Variants in TMEM272 observed in about 807,000 individuals in gnomAD.
TMEM272 encodes long intergenic non-protein coding RNA 282.
A neutral mutation model predicts 3.7 loss-of-function variants in TMEM272; 8 were observed. The ratio of observed to expected loss-of-function variants is 2.17; its 90% confidence interval spans 1.27 to 3.91. TMEM272 has a LOEUF of 3.91. Ranked by LOEUF, TMEM272 falls within the 30% of genes most tolerant of loss-of-function variation. The pLI, the probability that TMEM272 is intolerant of heterozygous loss-of-function variation, is 0.00. For synonymous variants in TMEM272, 63 were observed against 39.8 expected (o/e 1.58, Z -2.20); for missense variants, 166 against 91.5 (o/e 1.81, Z -3.32).
the TMEM272 span, among the ~76,000 whole-genome samples, chr13:51,883,702 CTTTGG>C: frequency 6.6e-6 from 1 of 152,234 alleles, no homozygotes; most frequent in Non-Finnish European, 1.5e-5. Context: ...TTTAAACTGT[CTTTGG>C]TTTGAAGTTC....
chr13:51,865,508 A>G, the TMEM272 span: 5 of 1,614,092 alleles, frequency 3.1e-6, no homozygotes, highest in African/African-American at 5.3e-5. Flanking sequence ...ACTAATGCAC[A>G]AGCTGCAGGA....
At chr13:51,866,067 G>T in the TMEM272 span, 1 of 1,577,892 alleles carries the variant, frequency 6.3e-7, no homozygotes, top group Non-Finnish European at 8.6e-7. Flanking sequence ...GCCTTCTCCC[G>T]AGGCAGGGCG....
At chr13:51,908,810 A>AG in the TMEM272 span, 3 of 1,439,034 alleles carry the variant, frequency 2.1e-6, no homozygotes, top group Non-Finnish European at 2.9e-6. Context: ...CTGGTGGAGG[A>AG]AACATCATCC....
the TMEM272 span, among the ~76,000 whole-genome samples, chr13:51,863,021 C>T: frequency 0.1 from 15,642 of 152,116 alleles, 2,252 homozygotes; most frequent in African/African-American, 0.32. Flanking sequence ...GCAGAGGTGG[C>T]GAGGAACTTT....
intron 2 of TMEM272, among the ~76,000 whole-genome samples, chr13:51,837,285 T>C (rs1178602028): frequency 6.6e-6 from 1 of 152,170 alleles, no homozygotes; most frequent in East Asian, 1.9e-4. Flanking sequence ...AGGATGTGTG[T>C]TGGGGGAGGT....
the TMEM272 span, chr13:51,908,843 T>A: frequency 1.1e-5 from 16 of 1,436,934 alleles, no homozygotes; most frequent in South Asian, 1.8e-4. Context: ...CCCACGGAGG[T>A]GACAGGGGCC....
At chr13:51,909,352 C>T in the TMEM272 span, 1 of 874,224 alleles carries the variant, frequency 1.1e-6, no homozygotes, top group East Asian at 2.6e-5. Flanking sequence ...GTCTCCAGCT[C>T]TTCAGTGGCA....
the TMEM272 span, among the ~76,000 whole-genome samples, chr13:51,914,973 T>C: frequency 6.6e-6 from 1 of 152,206 alleles, no homozygotes; most frequent in Non-Finnish European, 1.5e-5. Context: ...TGGAGTATTT[T>C]CCTTAAGAAA....
At chr13:51,868,295 T>C in the TMEM272 span, among the ~76,000 whole-genome samples, 1 of 152,152 alleles carries the variant, frequency 6.6e-6, no homozygotes, top group African/African-American at 2.4e-5. Context: ...ATCTGGCAAA[T>C]GCTAGGAGGG....
the TMEM272 span, among the ~76,000 whole-genome samples, chr13:51,895,083 G>T: frequency 6.6e-6 from 1 of 152,128 alleles, no homozygotes; most frequent in African/African-American, 2.4e-5. Flanking sequence ...TAAGTGATGG[G>T]GAGCAGCTGT....
chr13:51,908,412 A>T, the TMEM272 span: 1 of 1,485,292 alleles, frequency 6.7e-7, no homozygotes, highest in East Asian at 2.3e-5. Flanking sequence ...TGGACCTGGG[A>T]CATCCCTTGG....
chr13:51,921,210 C>CA, the TMEM272 span: 5 of 152,282 alleles, frequency 3.3e-5, no homozygotes, highest in African/African-American at 9.6e-5. Context: ...AGAGATGGGG[C>CA]AAGCCCTGGG....
the TMEM272 span, among the ~76,000 whole-genome samples, chr13:51,871,319 T>C: frequency 1.3e-5 from 2 of 151,706 alleles, no homozygotes; most frequent in African/African-American, 2.4e-5. Flanking sequence ...GCCTCCCGAG[T>C]AGCTGGGACT....
chr13:51,891,932 T>C, the TMEM272 span, among the ~76,000 whole-genome samples: 1 of 152,166 alleles, frequency 6.6e-6, no homozygotes, highest in Non-Finnish European at 1.5e-5. Context: ...AGGTCAATGA[T>C]TTTTTGAAAA....
intron 2 of TMEM272, among the ~76,000 whole-genome samples, chr13:51,832,619 C>T (rs1055829285): frequency 6.6e-6 from 1 of 152,140 alleles, no homozygotes; most frequent in African/African-American, 2.4e-5. Flanking sequence ...ACCACTTCTG[C>T]CCTCTCCTGG....
chr13:51,898,330 T>C, the TMEM272 span, among the ~76,000 whole-genome samples: 1 of 152,128 alleles, frequency 6.6e-6, no homozygotes, highest in East Asian at 1.9e-4. Flanking sequence ...ATTTTTCTCC[T>C]GACACACTCC....
chr13:51,879,192 C>G, the TMEM272 span, among the ~76,000 whole-genome samples: 2 of 152,144 alleles, frequency 1.3e-5, no homozygotes, highest in African/African-American at 2.4e-5. Context: ...AAAAAAAGAA[C>G]AAAACACACT....
the TMEM272 span, among the ~76,000 whole-genome samples, chr13:51,910,964 G>T: frequency 6.6e-6 from 1 of 152,214 alleles, no homozygotes; most frequent in Non-Finnish European, 1.5e-5. Flanking sequence ...GCAGTCTTGT[G>T]CATGAGCCCA....
At chr13:51,862,756 G>A in the TMEM272 span, among the ~76,000 whole-genome samples, 1 of 152,180 alleles carries the variant, frequency 6.6e-6, no homozygotes, top group African/African-American at 2.4e-5. Context: ...GAGGGGGCCA[G>A]CATGACATGG....
Sources: gnomAD v4.1 joint callset for allele counts (sites outside exome capture counted in the v4.1 genomes callset) on GRCh38, gnomAD v4.1.1 for gene constraint, MANE v1.5 for transcripts, NCBI Gene and HGNC (gene_info 2026-07-23, HGNC 2026-07-21) for gene names.